ATP6V1B1: variants seen among roughly 807,000 people sequenced by gnomAD.
ATP6V1B1 encodes ATPase H+ transporting V1 subunit B1.
A neutral mutation model predicts 62.1 loss-of-function variants in ATP6V1B1; 41 were observed. The ratio of observed to expected loss-of-function variants is 0.66; its 90% confidence interval spans 0.51 to 0.86. The LOEUF (loss-of-function observed/expected upper bound fraction) is 0.86. ATP6V1B1 is among the 40% of genes least tolerant of loss of function. ATP6V1B1 has a pLI of 0.00. For synonymous variants in ATP6V1B1, 253 were observed against 273.4 expected (o/e 0.93, Z 0.74); for missense variants, 651 against 697.5 (o/e 0.93, Z 0.75).
chr2:70,944,074 T>G, intron 2 of ATP6V1B1: 2 of 1,288,468 alleles, frequency 1.6e-6, no homozygotes, highest in South Asian at 2.9e-5. Flanking sequence ...GTACCTAACC[T>G]CCTCGAGGGC....
At chr2:70,943,028 T>C (rs1248658603) in intron 1 of ATP6V1B1, among the ~76,000 whole-genome samples, 7 of 152,194 alleles carry the variant, frequency 4.6e-5, no homozygotes, top group African/African-American at 1.7e-4. Flanking sequence ...TCTCTGCAGC[T>C]GCCACATCTG....
chr2:70,943,487 G>C (rs781812257), intron 1 of ATP6V1B1, 171 bp from the exon 2 acceptor site: 2 of 756,930 alleles, frequency 2.6e-6, no homozygotes, highest in East Asian at 2.7e-5. Context: ...GCGGGCAGGG[G>C]CATGACCCTT....
At chr2:70,937,262 A>C (rs1679876929) in intron 1 of ATP6V1B1, among the ~76,000 whole-genome samples, 1 of 152,074 alleles carries the variant, frequency 6.6e-6, no homozygotes, top group Non-Finnish European at 1.5e-5. Context: ...GTTGCTATCC[A>C]GGCCAGGAGA....
At chr2:70,939,580 C>T (rs34661902) in intron 1 of ATP6V1B1, 35,746 of 152,238 alleles carry the variant, frequency 0.23, 4,943 homozygotes, top group Middle Eastern at 0.32. Flanking sequence ...CGGCAGTGTA[C>T]AAACAAAAGG....
At chr2:70,950,805 T>C (rs1211338396) in intron 2 of ATP6V1B1, among the ~76,000 whole-genome samples, 1 of 152,084 alleles carries the variant, frequency 6.6e-6, no homozygotes, top group Non-Finnish European at 1.5e-5. Flanking sequence ...ACAATTTCAA[T>C]TTTATAAAAA....
In ATP6V1B1 at chr2:70,961,659, G is replaced by A. The variant is rs782653007; in HGVS notation, c.751G>A (p.Val251Ile). The change falls in exon 8 of 14, where the codon GTC (valine) becomes ATC (isoleucine). Residue 251 changes from valine to isoleucine, a missense_variant. Coordinates refer to ENST00000234396, the MANE Select transcript of ATP6V1B1 (RefSeq NM_001692.4). The part of the protein sequence containing the change: ...DFEQNGTMGN[V>I]CLFLNLANDP... ...TGAGCAGAATGGAACCATGGGGAAC[G>A]TCTGCCTCTTCCTGAACTTGGCCAA... is the stretch of plus-strand genomic sequence containing the variant. 2.5e-6 allele frequency: 4 copies of A among 1,614,220 alleles called. No homozygotes were observed. Among genetic ancestry groups the A allele is most frequent in the Admixed American group, 1.7e-5 (1 of 60,030 alleles).
Position 70,959,922 on chromosome 2 carries a change from T to A in ATP6V1B1, c.446-17T>A. ...GTTTGAACCCCTGAGCATGGCTCTG[T>A]GATCGCCCTCTCCCAGGCCAGCCCA... On this transcript the variant is annotated splice_polypyrimidine_tract_variant and intron_variant, in intron 5 of 13. Coordinates refer to ENST00000234396, the MANE Select transcript of ATP6V1B1 (RefSeq NM_001692.4). This position sits in a 1 kb window ranked among gnomAD's most constrained non-coding sequence, Gnocchi z 4.2. The A allele has an allele frequency of 6.2e-7, 1 of 1,614,074 alleles. No individual in the cohort carries two copies.
chr2:70,953,836 A>G (rs1680373077), intron 2 of ATP6V1B1, among the ~76,000 whole-genome samples: 1 of 152,208 alleles, frequency 6.6e-6, no homozygotes, highest in Admixed American at 6.5e-5. Flanking sequence ...TAATATCTTA[A>G]AGATTTCAGG....
At position 70,958,432 on chromosome 2, in the gene ATP6V1B1, G is replaced by A. The variant is rs1680497032; in HGVS notation, c.367+6G>A. Reference sequence around the variant, plus strand: ...GGTGTCAGAGGACATGCTGGGTGAGGGACAGGGAGGGGCAGGGGTGGGGGT... The same window carrying A: ...GGTGTCAGAGGACATGCTGGGTGAGAGACAGGGAGGGGCAGGGGTGGGGGT... On this transcript the variant is annotated splice_donor_region_variant and intron_variant, in intron 4 of 13. Transcript: ENST00000234396. 6.2e-7 allele frequency: 1 copy of A among 1,612,306 alleles called. No individual in the cohort carries two copies. The highest frequency in any genetic ancestry group is 8.5e-7 in the Non-Finnish European group (1 of 1,178,506).
Position 70,936,059 on chromosome 2 carries a change from C to A in ATP6V1B1, c.105C>A (p.Thr35=). 2 of 1,614,022 alleles carry A rather than the reference C, an allele frequency of 1.2e-6. No homozygotes were observed. The highest frequency in any genetic ancestry group is 1.7e-6 in the Non-Finnish European group (2 of 1,179,938). The change falls in exon 1 of 14, where the codon ACC becomes ACA. Residue 35 remains threonine, a synonymous_variant. Transcript: ENST00000234396. Reference sequence around the variant, plus strand: ...AGGCGGTCACCCGAAACTACATCACCCACCCCCGTGTCAGTGAGTAGCCCC... The same window carrying A: ...AGGCGGTCACCCGAAACTACATCACACACCCCCGTGTCAGTGAGTAGCCCC... The part of the protein sequence containing the change: ...HMQAVTRNYI[T]HPRVTYRTVC...
intron 2 of ATP6V1B1, among the ~76,000 whole-genome samples, chr2:70,947,364 A>C (rs1680205973): frequency 6.6e-6 from 1 of 152,196 alleles, no homozygotes; most frequent in African/African-American, 2.4e-5. Flanking sequence ...CAGAGCTCTG[A>C]TTCAGCATGC....
Position 70,964,503 on chromosome 2 carries a change from C to T in ATP6V1B1, c.1209C>T (p.Gly403=). Residue 403 remains glycine, a synonymous_variant, in exon 12 of 14, where the codon GGC becomes GGT. Transcript: ENST00000234396. ...SRLMKSAIGE[G]MTRKDHGDVS... ...TGATGAAGTCAGCCATTGGGGAAGG[C>T]ATGACAAGAAAGGACCATGGAGATG... is the stretch of plus-strand genomic sequence containing the variant. The T allele has an allele frequency of 6.2e-7, 1 of 1,614,172 alleles. No individual in the cohort carries two copies. The highest frequency in any genetic ancestry group is 8.5e-7 in the Non-Finnish European group (1 of 1,180,034).
In ATP6V1B1 at chr2:70,959,904, C is replaced by T. The variant is rs554795869; in HGVS notation, c.446-35C>T. On this transcript the variant is annotated intron_variant, in intron 5 of 13. Coordinates refer to ENST00000234396, the MANE Select transcript of ATP6V1B1 (RefSeq NM_001692.4). The surrounding 1 kb of genome is among the most constrained non-coding windows in gnomAD (Gnocchi z 4.2). ...CGAGGAGAGCAGGGAAGGGTTTGAACCCCTGAGCATGGCTCTGTGATCGCC... is the reference window on the plus strand; with the variant it reads ...CGAGGAGAGCAGGGAAGGGTTTGAATCCCTGAGCATGGCTCTGTGATCGCC... The T allele has an allele frequency of 6.2e-7, 1 of 1,614,068 alleles. No homozygotes were observed. The highest frequency in any genetic ancestry group is 8.5e-7 in the Non-Finnish European group (1 of 1,180,022).
chr2:70,949,790 T>C (rs797041438), intron 2 of ATP6V1B1, among the ~76,000 whole-genome samples: 13 of 152,330 alleles, frequency 8.5e-5, no homozygotes, highest in African/African-American at 3.1e-4. Context: ...AGGCTATCTT[T>C]TGCAACAATA....
chr2:70,963,545 C>T lies in ATP6V1B1; in HGVS notation c.1061-27C>T. The stretch of plus-strand genomic sequence containing the variant: ...GGTTGGAGACCTGGGCCCCCACCCA[C>T]ACTGAGGCCAGTGAGTTTTCTTGTA... On this transcript the variant is annotated intron_variant, in intron 10 of 13. Transcript: ENST00000234396. The surrounding 1 kb of genome is among the most constrained non-coding windows in gnomAD (Gnocchi z 4.3). 1 of 1,609,672 alleles carries T rather than the reference C, an allele frequency of 6.2e-7. No individual in the cohort carries two copies. The highest frequency in any genetic ancestry group is 8.5e-7 in the Non-Finnish European group (1 of 1,175,920).
intron 2 of ATP6V1B1, among the ~76,000 whole-genome samples, chr2:70,952,954 T>G (rs1412238063): frequency 1.3e-5 from 2 of 152,112 alleles, no homozygotes; most frequent in Non-Finnish European, 2.9e-5. Context: ...GAATATCATA[T>G]TTTTCTGTAG....
intron 12 of ATP6V1B1, 21 bp from the exon 13 acceptor site, chr2:70,964,715 G>C (rs782811482): frequency 6.2e-7 from 1 of 1,613,142 alleles, no homozygotes; most frequent in South Asian, 1.1e-5. Flanking sequence ...AGCGGCCACC[G>C]ACGCCTTGCC....
intron 9 of ATP6V1B1, 90 bp downstream of exon 9, chr2:70,962,990 T>C: frequency 1.9e-6 from 3 of 1,605,548 alleles, no homozygotes; most frequent in Non-Finnish European, 2.5e-6. Context: ...AGAGGGGAGC[T>C]GGTCCACCCA....
chr2:70,941,206 C>T (rs1679997998), intron 1 of ATP6V1B1: 1 of 935,980 alleles, frequency 1.1e-6, no homozygotes, highest in Admixed American at 6.2e-5. Context: ...GTGTGAGCCA[C>T]TGTAGCTGTC....
Sources: gnomAD v4.1 joint callset for allele counts (sites outside exome capture counted in the v4.1 genomes callset) on GRCh38, gnomAD v4.1.1 for gene constraint, Gnocchi (gnomAD v3.1) non-coding constraint, MANE v1.5 for transcripts, NCBI Gene and HGNC (gene_info 2026-07-23, HGNC 2026-07-21) for gene names.